PTPRK: variants seen among roughly 807,000 people sequenced by gnomAD.
PTPRK encodes the protein protein tyrosine phosphatase receptor type K.
Under a neutral mutation model 178.0 loss-of-function variants are expected in PTPRK, and 75 were observed. That is an observed-to-expected ratio of 0.42 (90% CI 0.35 to 0.51). The LOEUF is 0.51. Ranked by LOEUF, PTPRK falls within the 20% of genes least tolerant of loss-of-function variation. PTPRK has a pLI of 0.02. For missense variants in PTPRK, 1,441 were observed against 1,797.8 expected (o/e 0.80, Z 3.59); for synonymous variants, 637 against 620.6 (o/e 1.03, Z -0.39).
At chr6:128,160,142 T>C (rs1798493968) in intron 7 of PTPRK, among the ~76,000 whole-genome samples, 2 of 151,714 alleles carry the variant, frequency 1.3e-5, no homozygotes, top group Admixed American at 6.6e-5. Context: ...CAAATTAACA[T>C]TTCATATTAA....
chr6:128,438,502 G>A (rs536291943), intron 1 of PTPRK, among the ~76,000 whole-genome samples: 1 of 152,330 alleles, frequency 6.6e-6, no homozygotes, highest in East Asian at 1.9e-4. Context: ...ATGGAGAAGA[G>A]CCAGTCAGCA....
intron 2 of PTPRK, among the ~76,000 whole-genome samples, chr6:128,384,419 G>A (rs1166146126): frequency 6.6e-6 from 1 of 150,972 alleles, no homozygotes; most frequent in Non-Finnish European, 1.5e-5. Context: ...TTTTACTTAT[G>A]ACTCAAAAAC....
intron 1 of PTPRK, among the ~76,000 whole-genome samples, chr6:128,505,316 C>T (rs1271470342): frequency 6.6e-6 from 1 of 151,080 alleles, no homozygotes; most frequent in African/African-American, 2.4e-5. Context: ...TGGCACATGC[C>T]TGCTATCCCA....
intron 2 of PTPRK, among the ~76,000 whole-genome samples, chr6:128,336,968 T>G (rs904296213): frequency 2.6e-5 from 4 of 152,168 alleles, no homozygotes; most frequent in African/African-American, 9.7e-5. Context: ...CATAAAAACC[T>G]TGCCATGCTA....
chr6:128,395,197 T>C (rs1294414045), intron 2 of PTPRK, among the ~76,000 whole-genome samples: 1 of 152,144 alleles, frequency 6.6e-6, no homozygotes, highest in Non-Finnish European at 1.5e-5. Flanking sequence ...GTATCTATTA[T>C]AAAAAGAGAT....
At position 127,998,701 on chromosome 6, in the gene PTPRK, A is replaced by G. The variant is rs1032194317; in HGVS notation, c.2679+19T>C. ...CATAGTTAAAAATCAAATTCAATAC[A>G]GTATCAAAACTTATTCACCTCATAT... On this transcript the variant is annotated intron_variant, in intron 16 of 29. Transcript: ENST00000368226. The G allele has an allele frequency of 3.3e-6, 5 of 1,532,586 alleles. No homozygotes were observed. The highest frequency in any genetic ancestry group is 1.4e-5 in the African/African-American group (1 of 72,342). 94.9% of individuals were successfully genotyped at this position (1,532,586 alleles called of 1,614,324 possible).
At chr6:128,228,738 G>A (rs1398198508) in intron 5 of PTPRK, among the ~76,000 whole-genome samples, 2 of 151,154 alleles carry the variant, frequency 1.3e-5, no homozygotes, top group African/African-American at 4.9e-5. Flanking sequence ...ACTACATAAT[G>A]AAAGAAAATA....
At chr6:128,089,505 G>T (rs1458182695) in intron 8 of PTPRK, among the ~76,000 whole-genome samples, 185 bp downstream of exon 8, 3 of 152,116 alleles carry the variant, frequency 2.0e-5, no homozygotes, top group Non-Finnish European at 4.4e-5. Flanking sequence ...TTAGTATTTG[G>T]ATGCTTGTCT....
Position 128,519,123 on chromosome 6 carries a change from G to T in PTPRK, c.100+1136C>A, listed in dbSNP as rs758375183. 7 of 526,442 alleles carry T rather than the reference G, an allele frequency of 1.3e-5. No homozygotes were observed. Among genetic ancestry groups the T allele is most frequent in the African/African-American group, 1.9e-5 (1 of 51,752 alleles). 32.6% of individuals were successfully genotyped at this position (526,442 alleles called of 1,614,324 possible). On this transcript the variant is annotated intron_variant, in intron 1 of 29. Coordinates refer to ENST00000368226, the MANE Select transcript of PTPRK (RefSeq NM_002844.4). The surrounding 1 kb of genome is among the most constrained non-coding windows in gnomAD (Gnocchi z 4.3). Reference sequence around the variant, plus strand: ...CACCGCGAACCCCAGCAGCAGATGCGCTCGCCAGCCAAGCGAAGCTGGGTA... The same window carrying T: ...CACCGCGAACCCCAGCAGCAGATGCTCTCGCCAGCCAAGCGAAGCTGGGTA...
chr6:128,266,540 C>A (rs1189701301), intron 3 of PTPRK, among the ~76,000 whole-genome samples: 1 of 152,132 alleles, frequency 6.6e-6, no homozygotes, highest in Non-Finnish European at 1.5e-5. Flanking sequence ...ATGCTACTTA[C>A]TCTCTCCAGA....
Position 128,184,428 on chromosome 6 carries a change from T to G in PTPRK, c.1162+4A>C. On this transcript the variant is annotated splice_donor_region_variant and intron_variant, in intron 7 of 29. Transcript: ENST00000368226. Reference sequence around the variant, plus strand: ...GGTAGAAAAGGTCTGCTACTCAGTCTTACCTGCACATTTTGTTCTGGTGAT... The same window carrying G: ...GGTAGAAAAGGTCTGCTACTCAGTCGTACCTGCACATTTTGTTCTGGTGAT... The G allele has an allele frequency of 6.2e-7, 1 of 1,612,942 alleles. No homozygotes were observed. Among genetic ancestry groups the G allele is most frequent in the South Asian group, 1.1e-5 (1 of 91,034 alleles).
chr6:128,249,845 A>G (rs558871168), intron 3 of PTPRK, among the ~76,000 whole-genome samples: 13 of 152,248 alleles, frequency 8.5e-5, no homozygotes, highest in Non-Finnish European at 1.8e-4. Context: ...AAGAAAAAAA[A>G]ACTCGAAGGT....
At chr6:128,335,017 G>A (rs1830733421) in intron 2 of PTPRK, among the ~76,000 whole-genome samples, 1 of 152,212 alleles carries the variant, frequency 6.6e-6, no homozygotes, top group Non-Finnish European at 1.5e-5. Flanking sequence ...GAACCCAGGA[G>A]GCGAAGTTTG....
At chr6:128,007,579 A>G (rs1778582178) in intron 14 of PTPRK, among the ~76,000 whole-genome samples, 1 of 150,942 alleles carries the variant, frequency 6.6e-6, no homozygotes, top group Non-Finnish European at 1.5e-5. Context: ...GTTTTAGCAT[A>G]CTTTAGGAGG....
chr6:128,176,026 G>C (rs1197415939), intron 7 of PTPRK, among the ~76,000 whole-genome samples: 1 of 151,830 alleles, frequency 6.6e-6, no homozygotes, highest in African/African-American at 2.4e-5. Flanking sequence ...AGCTGGAGGA[G>C]AGAGATGGAG....
chr6:128,401,394 T>C (rs911420216), intron 1 of PTPRK, among the ~76,000 whole-genome samples: 1 of 152,168 alleles, frequency 6.6e-6, no homozygotes, highest in Non-Finnish European at 1.5e-5. Flanking sequence ...CTTGAGTGCT[T>C]ATTTAAACAG....
At chr6:128,000,477 TC>T in intron 15 of PTPRK, 1 of 436,768 alleles carries the variant, frequency 2.3e-6, no homozygotes, top group South Asian at 3.1e-5. Context: ...AATCAAAAAA[TC>T]CCTGATAGAT....
At chr6:128,290,119 T>G (rs1321778465) in intron 3 of PTPRK, among the ~76,000 whole-genome samples, 1 of 152,142 alleles carries the variant, frequency 6.6e-6, no homozygotes, top group Non-Finnish European at 1.5e-5. Context: ...CTTGTTCAGA[T>G]GCGCTTCTTT....
At chr6:128,391,853 CAT>C (rs1421442633) in intron 2 of PTPRK, among the ~76,000 whole-genome samples, 1 of 151,944 alleles carries the variant, frequency 6.6e-6, no homozygotes, top group Non-Finnish European at 1.5e-5. Flanking sequence ...CTAAGAGACT[CAT>C]ATCATTACTT....
Sources: gnomAD v4.1 joint callset for allele counts (sites outside exome capture counted in the v4.1 genomes callset) on GRCh38, gnomAD v4.1.1 for gene constraint, Gnocchi (gnomAD v3.1) non-coding constraint, MANE v1.5 for transcripts, NCBI Gene and HGNC (gene_info 2026-07-23, HGNC 2026-07-21) for gene names.